HHIP: variants seen among roughly 807,000 people sequenced by gnomAD.
HHIP encodes hedgehog-interacting protein.
A neutral mutation model predicts 74.0 loss-of-function variants in HHIP; 12 were observed. That is an observed-to-expected ratio of 0.16 (90% CI 0.10 to 0.26). The LOEUF (loss-of-function observed/expected upper bound fraction) is 0.26, where lower values mean the gene tolerates loss of function less well. HHIP is among the 10% of genes least tolerant of loss of function. The pLI is 1.00. For missense variants in HHIP, 788 were observed against 845.0 expected (o/e 0.93, Z 0.84); for synonymous variants, 309 against 311.6 (o/e 0.99, Z 0.09).
In HHIP at chr4:144,738,194, T is replaced by A. The variant is rs1262084254; in HGVS notation, c.*237T>A. 9.1e-7 allele frequency: 1 copy of A among 1,102,354 alleles called. No individual in the cohort carries two copies. Among genetic ancestry groups the A allele is most frequent in the Non-Finnish European group, 1.1e-6 (1 of 905,080 alleles). 68.3% of individuals were successfully genotyped at this position (1,102,354 alleles called of 1,614,324 possible). ...CGTTGTTGCATAACAGATGATTTTT[T>A]AAAATATATACTTCCTTATGCAAAG... On this transcript the variant is annotated 3_prime_UTR_variant, in exon 13 of 13. Transcript: ENST00000296575.
In HHIP at chr4:144,743,645, T is replaced by C. The variant is rs940420792; in HGVS notation, c.*5688T>C. On this transcript the variant is annotated 3_prime_UTR_variant, in exon 13 of 13. Transcript: ENST00000296575. Reference sequence around the variant, plus strand: ...ACATGTGTGTATATATATACATATATATGTAACTTAATATAAATGTTTGAT... The same window carrying C: ...ACATGTGTGTATATATATACATATACATGTAACTTAATATAAATGTTTGAT... 3.9e-5 allele frequency: 6 copies of C among 152,048 alleles called. No individual in the cohort carries two copies. The highest frequency in any genetic ancestry group is 6.6e-5 in the Admixed American group (1 of 15,264). The allele number at this position is 152,048 out of a possible 1,614,324, so 9.4% of individuals were successfully genotyped here.
chr4:144,678,552 C>A (rs1018345954), intron 4 of HHIP, among the ~76,000 whole-genome samples: 1 of 152,102 alleles, frequency 6.6e-6, no homozygotes, highest in Admixed American at 6.5e-5. Context: ...GCCCCCCATC[C>A]CCCTGACAGG....
chr4:144,726,185 T>C (rs902399447), intron 11 of HHIP, among the ~76,000 whole-genome samples: 2 of 152,202 alleles, frequency 1.3e-5, no homozygotes, highest in African/African-American at 4.8e-5. Flanking sequence ...TATTTCCTTC[T>C]TTATATTAGG....
At chr4:144,669,313 T>G (rs1256320699) in intron 4 of HHIP, among the ~76,000 whole-genome samples, 1 of 151,706 alleles carries the variant, frequency 6.6e-6, no homozygotes, top group Non-Finnish European at 1.5e-5. Flanking sequence ...ATGAGAAAAG[T>G]TTTTTTCTAA....
chr4:144,671,397 G>A (rs1729034317), intron 4 of HHIP, among the ~76,000 whole-genome samples: 1 of 151,542 alleles, frequency 6.6e-6, no homozygotes, highest in Admixed American at 6.6e-5. Context: ...AAACAAACAG[G>A]CAAACAAAAA....
chr4:144,716,084 T>C (rs1310567751), intron 10 of HHIP, among the ~76,000 whole-genome samples: 1 of 152,248 alleles, frequency 6.6e-6, no homozygotes, highest in Admixed American at 6.5e-5. Context: ...TATTCTCTAC[T>C]AATTTAAATT....
At chr4:144,660,976 A>G (rs1728698017) in intron 4 of HHIP, among the ~76,000 whole-genome samples, 1 of 152,194 alleles carries the variant, frequency 6.6e-6, no homozygotes, top group Non-Finnish European at 1.5e-5. Flanking sequence ...GAGAACTGAT[A>G]TTAATATTAA....
Position 144,661,235 on chromosome 4 carries a change from A to T in HHIP, c.831+1397A>T, listed in dbSNP as rs1419802301. On this transcript the variant is annotated intron_variant, in intron 4 of 12. Coordinates refer to ENST00000296575, the MANE Select transcript of HHIP (RefSeq NM_022475.3). ...TTCAGCTCTGACATGGAGATGTTTCATTATGTAATAAAATTGTACAAGCAA... is the reference window on the plus strand; with the variant it reads ...TTCAGCTCTGACATGGAGATGTTTCTTTATGTAATAAAATTGTACAAGCAA... The T allele has an allele frequency of 3.3e-5, 5 of 152,160 alleles. No homozygotes were observed. In the East Asian group the frequency reaches 9.6e-4, roughly 29 times the overall value. The allele number at this position is 152,160 out of a possible 1,614,324, so 9.4% of individuals were successfully genotyped here.
At chr4:144,690,879 C>T (rs1427852750) in intron 4 of HHIP, among the ~76,000 whole-genome samples, 1 of 152,028 alleles carries the variant, frequency 6.6e-6, no homozygotes, top group Non-Finnish European at 1.5e-5. Context: ...GTCCTTCATG[C>T]TGTCCATGAT....
chr4:144,656,437 CATTTCCTCGT>C (rs1728559118), intron 2 of HHIP, among the ~76,000 whole-genome samples: 1 of 152,158 alleles, frequency 6.6e-6, no homozygotes, highest in South Asian at 2.1e-4. Context: ...AATGACTTCT[CATTTCCTCGT>C]ATTTGTCCCA....
chr4:144,730,881 G>A (rs536583865), intron 11 of HHIP, among the ~76,000 whole-genome samples: 7 of 152,218 alleles, frequency 4.6e-5, no homozygotes, highest in South Asian at 4.1e-4. Flanking sequence ...TTTGTCAGAC[G>A]TTACCAAATA....
chr4:144,730,310 T>C (rs1020125746), intron 11 of HHIP, among the ~76,000 whole-genome samples: 3 of 152,120 alleles, frequency 2.0e-5, no homozygotes, highest in Admixed American at 2.0e-4. Flanking sequence ...TGAACTAGGG[T>C]TTTAGTGTTT....
intron 4 of HHIP, among the ~76,000 whole-genome samples, chr4:144,681,646 A>G (rs1000752724): frequency 6.6e-6 from 1 of 152,026 alleles, no homozygotes; most frequent in African/African-American, 2.4e-5. Flanking sequence ...GATGGTCTTG[A>G]TCTCCTGACC....
At chr4:144,723,446 C>T (rs1424059095) in intron 11 of HHIP, among the ~76,000 whole-genome samples, 3 of 152,048 alleles carry the variant, frequency 2.0e-5, no homozygotes, top group Non-Finnish European at 2.9e-5. Context: ...TCAAAAAAAT[C>T]ACTTCATAAG....
chr4:144,686,750 G>A (rs7698158), intron 4 of HHIP, among the ~76,000 whole-genome samples: 81,904 of 152,054 alleles, frequency 0.54, 22,504 homozygotes, highest in South Asian at 0.78. Context: ...AGAAGGAGAA[G>A]AGAGAATGAG....
intron 7 of HHIP, 92 bp from the exon 8 acceptor site, chr4:144,711,858 C>T: frequency 2.3e-6 from 3 of 1,291,374 alleles, no homozygotes; most frequent in Non-Finnish European, 3.2e-6. Context: ...CTTGCCAGTC[C>T]ACAAAGGGCT....
chr4:144,700,054 C>T (rs1319874127), intron 4 of HHIP, among the ~76,000 whole-genome samples: 1 of 152,152 alleles, frequency 6.6e-6, no homozygotes, highest in Admixed American at 6.5e-5. Context: ...CTTGGAATCT[C>T]GTTTGACTAA....
intron 4 of HHIP, among the ~76,000 whole-genome samples, chr4:144,665,475 T>C (rs777489667): frequency 5.3e-5 from 8 of 152,228 alleles, no homozygotes; most frequent in Non-Finnish European, 1.2e-4. Flanking sequence ...ATCACAATGC[T>C]CTGTACTCTG....
intron 4 of HHIP, among the ~76,000 whole-genome samples, chr4:144,682,806 T>A (rs1272809229): frequency 6.6e-6 from 1 of 152,252 alleles, no homozygotes; most frequent in Non-Finnish European, 1.5e-5. Context: ...TTTTCAAAGA[T>A]CACTGGCCAA....
Sources: allele counts gnomAD v4.1 joint callset (sites outside exome capture counted in the v4.1 genomes callset), GRCh38; gene constraint gnomAD v4.1.1; transcripts MANE v1.5; gene names NCBI Gene and HGNC (gene_info 2026-07-23, HGNC 2026-07-21).